Variants in CTPS2 observed in about 807,000 individuals in gnomAD.
CTPS2 encodes CTP synthase 2, also known as CTP synthase II.
CTPS2 carries 19 observed loss-of-function variants against 46.8 expected under a neutral mutation model. The ratio of observed to expected loss-of-function variants is 0.41; its 90% CI spans 0.28 to 0.60. CTPS2 has a LOEUF of 0.60. Ranked by LOEUF, CTPS2 falls within the 20% of genes least tolerant of loss-of-function variation. The pLI is 0.35. For synonymous variants in CTPS2, 151 were observed against 165.2 expected (o/e 0.91, Z 0.66); for missense variants, 286 against 447.6 (o/e 0.64, Z 3.26).
At chrX:16,615,034 G>A (rs1400557938) in intron 16 of CTPS2, among the ~76,000 whole-genome samples, 1 of 111,934 alleles carries the variant, frequency 8.9e-6, no homozygotes, top group East Asian at 2.8e-4. Flanking sequence ...AAATTAGCCG[G>A]GCATGGTGGA....
At chrX:16,658,413 T>C (rs1282191151) in intron 13 of CTPS2, among the ~76,000 whole-genome samples, 1 of 112,123 alleles carries the variant, frequency 8.9e-6, no homozygotes, top group African/African-American at 3.2e-5. Context: ...ATTTCCCCAT[T>C]GTGGGGCATT....
At chrX:16,658,775 C>A (rs1932878314) in intron 13 of CTPS2, among the ~76,000 whole-genome samples, 1 of 111,903 alleles carries the variant, frequency 8.9e-6, no homozygotes, top group Non-Finnish European at 1.9e-5. Context: ...AATAAGAATC[C>A]CTTACTATTT....
intron 14 of CTPS2, among the ~76,000 whole-genome samples, chrX:16,629,952 T>C (rs1931374510): frequency 8.9e-6 from 1 of 111,954 alleles, no homozygotes; most frequent in Non-Finnish European, 1.9e-5. Flanking sequence ...AGAAGGTCCC[T>C]GAAAGGAATG....
chrX:16,605,064 G>A (rs1039373087), intron 17 of CTPS2, among the ~76,000 whole-genome samples: 6 of 112,085 alleles, frequency 5.4e-5, no homozygotes, highest in Non-Finnish European at 1.1e-4. Context: ...CATGGCTTTC[G>A]GAATGTGTGC....
Position 16,702,759 on chromosome X carries a change from G to A in CTPS2, c.144C>T (p.Gly48=). The change falls in exon 2 of 19, where the codon GGC becomes GGT. Residue 48 remains glycine (G), a synonymous_variant. Coordinates refer to ENST00000359276, the MANE Select transcript of CTPS2 (RefSeq NM_175859.3). ...TACCGTGTTCATAAGGTGAAAAAGT[G>A]CCAGCATCGATGTTAATATAGGGGT... is the stretch of plus-strand genomic sequence containing the variant. ...KIDPYINIDA[G]TFSPYEHGEV... 8.3e-7 allele frequency: 1 copy of A among 1,210,808 alleles called. No homozygotes were observed. The highest frequency in any genetic ancestry group is 1.1e-6 in the Non-Finnish European group (1 of 894,882).
At chrX:16,710,905 C>G (rs1925418980) in intron 1 of CTPS2, among the ~76,000 whole-genome samples, 1 of 112,535 alleles carries the variant, frequency 8.9e-6, no homozygotes, top group Non-Finnish European at 1.9e-5. Flanking sequence ...GCATGAGCCA[C>G]CATGCCCGGC....
intron 13 of CTPS2, among the ~76,000 whole-genome samples, chrX:16,648,852 C>G (rs917414234): frequency 8.9e-6 from 1 of 112,120 alleles, no homozygotes; most frequent in Non-Finnish European, 1.9e-5. Flanking sequence ...AAATAAGGCC[C>G]TAGAATTTTA....
intron 16 of CTPS2, 27 bp from the exon 17 acceptor site, chrX:16,609,712 T>C (rs1267595855): frequency 3.4e-6 from 4 of 1,180,139 alleles, no homozygotes; most frequent in Admixed American, 4.6e-5. Context: ...CACGATGCGA[T>C]TAAAGCAGAC....
chrX:16,618,803 A>C (rs1485085792), intron 15 of CTPS2, among the ~76,000 whole-genome samples: 1 of 111,934 alleles, frequency 8.9e-6, no homozygotes, highest in Non-Finnish European at 1.9e-5. Context: ...GAGTTGTAAG[A>C]GCTCTTCATA....
chrX:16,647,645 C>T, intron 13 of CTPS2, among the ~76,000 whole-genome samples: 1 of 110,976 alleles, frequency 9.0e-6, no homozygotes, highest in Non-Finnish European at 1.9e-5. Context: ...ACCAATACTG[C>T]TCCAAAAGTT....
intron 17 of CTPS2, among the ~76,000 whole-genome samples, chrX:16,599,584 C>A (rs1929525452): frequency 1.9e-5 from 2 of 106,022 alleles, no homozygotes; most frequent in African/African-American, 3.5e-5. Context: ...TCAAGCGATT[C>A]TCCTGCCTCA....
At chrX:16,596,763 C>G (rs1363330615) in intron 17 of CTPS2, among the ~76,000 whole-genome samples, 12 of 105,469 alleles carry the variant, frequency 1.1e-4, no homozygotes, top group African/African-American at 3.7e-4. Context: ...CCTGAGGAAT[C>G]GCCACACTGA....
intron 11 of CTPS2, among the ~76,000 whole-genome samples, chrX:16,668,564 G>A (rs557350558): frequency 3.8e-5 from 4 of 104,825 alleles, no homozygotes; most frequent in African/African-American, 1.0e-4. Flanking sequence ...CAGCCTGGGC[G>A]ACAGAGCGAG....
rs55755545 is a variant in CTPS2 at position 16,686,778 on chromosome X, C to T, written c.872+2672G>A. On this transcript the variant is annotated intron_variant, in intron 8 of 18. Transcript: ENST00000359276. ...AATTAGCCAAGCATGGTGGCATGCACCTGTAGTCCCAGCTACCTGGGAGGC... is the reference window on the plus strand; with the variant it reads ...AATTAGCCAAGCATGGTGGCATGCATCTGTAGTCCCAGCTACCTGGGAGGC... Among the ~76,000 whole-genome samples, 777 of 111,543 alleles carry T rather than the reference C, an allele frequency of 7.0e-3. 3 individuals are homozygous for T. Among genetic ancestry groups the T allele is most frequent in the Middle Eastern group, 0.018 (4 of 217 alleles).
chrX:16,682,063 G>GA (rs1050323414), intron 9 of CTPS2, among the ~76,000 whole-genome samples: 1 of 111,892 alleles, frequency 8.9e-6, no homozygotes, highest in Non-Finnish European at 1.9e-5. Context: ...ATGCTAAAGG[G>GA]AAAAAATGTC....
chrX:16,620,112 G>A (rs769305452), intron 15 of CTPS2, among the ~76,000 whole-genome samples, 165 bp downstream of exon 15: 6 of 108,979 alleles, frequency 5.5e-5, no homozygotes, highest in Admixed American at 9.8e-5. Flanking sequence ...CTGTCCCCTC[G>A]CCGCCCATCT....
intron 17 of CTPS2, 137 bp from the exon 18 acceptor site, chrX:16,590,999 T>C (rs1928872099): frequency 4.7e-6 from 2 of 428,734 alleles, no homozygotes; most frequent in Non-Finnish European, 4.0e-6. Flanking sequence ...TTTAGCACTT[T>C]CTAGTCACCA....
chrX:16,663,899 A>G lies in CTPS2; in HGVS notation c.1296+3615T>C, dbSNP rs189415334. Among the ~76,000 whole-genome samples the G allele has an allele frequency of 5.4e-5, 6 of 110,565 alleles. No homozygotes were observed. In the South Asian group the frequency reaches 1.6e-3, roughly 29 times the overall value. The stretch of plus-strand genomic sequence containing the variant: ...CACCCAGGCTGGAGTACAGTGGTGC[A>G]ATCTCGGCTCACTGGAAGCTCTGCC... On this transcript the variant is annotated intron_variant, in intron 13 of 18. Coordinates refer to ENST00000359276, the MANE Select transcript of CTPS2 (RefSeq NM_175859.3).
At chrX:16,592,735 G>A (rs1342653316) in intron 17 of CTPS2, among the ~76,000 whole-genome samples, 1 of 111,936 alleles carries the variant, frequency 8.9e-6, no homozygotes, top group Non-Finnish European at 1.9e-5. Flanking sequence ...ATGATTTTAG[G>A]TCAGCAGCGT....
Sources: gnomAD v4.1 joint callset for allele counts (sites outside exome capture counted in the v4.1 genomes callset) on GRCh38, gnomAD v4.1.1 for gene constraint, MANE v1.5 for transcripts, NCBI Gene and HGNC (gene_info 2026-07-23, HGNC 2026-07-21) for gene names.